The following COL26A1 variants were observed in gnomAD, a reference collection of about 807,000 sequenced individuals.
The protein encoded by COL26A1 is collagen alpha-1(XXVI) chain.
A neutral mutation model predicts 59.3 loss-of-function variants in COL26A1; 41 were observed. The observed-to-expected ratio is 0.69, with a 90% CI of 0.54 to 0.90. The LOEUF is 0.90. Among genes scored for constraint, COL26A1 ranks in the 40% least tolerant of loss-of-function variants. COL26A1 has a pLI of 0.00. For synonymous variants in COL26A1, 266 were observed against 256.0 expected, an observed-to-expected ratio of 1.04 and a Z score of -0.37; for missense variants, 612 against 602.3, an observed-to-expected ratio of 1.02 and a Z score of -0.17.
intron 3 of COL26A1, among the ~76,000 whole-genome samples, chr7:101,502,320 C>T (rs1794722621): frequency 6.6e-6 from 1 of 152,068 alleles, no homozygotes; most frequent in African/African-American, 2.4e-5. Flanking sequence ...CCAGCCTGGG[C>T]GACAGAGCAA....
chr7:101,524,045 G>A (rs781663508), intron 3 of COL26A1, among the ~76,000 whole-genome samples: 4 of 152,124 alleles, frequency 2.6e-5, no homozygotes, highest in East Asian at 1.9e-4. Flanking sequence ...TCAAGTGGGC[G>A]GATCACTTTA....
chr7:101,517,721 T>C (rs550303521), intron 3 of COL26A1, among the ~76,000 whole-genome samples: 1 of 151,032 alleles, frequency 6.6e-6, no homozygotes, highest in South Asian at 2.1e-4. Flanking sequence ...GGATAGAAGA[T>C]AGCTGGGCTG....
At chr7:101,489,784 T>TG (rs1563007893) in intron 3 of COL26A1, among the ~76,000 whole-genome samples, 77 of 2,558 alleles carry the variant, frequency 0.03, 13 homozygotes, top group Non-Finnish European at 0.046. Context: ...CTTTCTTTCT[T>TG]TCTTTCTTTC....
chr7:101,474,579 C>T (rs1483624664), intron 3 of COL26A1, among the ~76,000 whole-genome samples: 1 of 151,366 alleles, frequency 6.6e-6, no homozygotes, highest in Non-Finnish European at 1.5e-5. Flanking sequence ...GTGACAGAGC[C>T]AGACCCTGTC....
At chr7:101,508,885 C>T (rs1794865204) in intron 3 of COL26A1, among the ~76,000 whole-genome samples, 1 of 151,796 alleles carries the variant, frequency 6.6e-6, no homozygotes, top group Non-Finnish European at 1.5e-5. Context: ...AGGTTTGTTC[C>T]AGCTACTCAG....
intron 1 of COL26A1, among the ~76,000 whole-genome samples, chr7:101,415,147 A>C (rs1792341327): frequency 1.4e-5 from 2 of 142,330 alleles, no homozygotes; most frequent in African/African-American, 5.0e-5. Context: ...TCCTGATCAT[A>C]ACCCCCCCCC....
chr7:101,476,085 G>A (rs1794039126), intron 3 of COL26A1, among the ~76,000 whole-genome samples: 1 of 150,586 alleles, frequency 6.6e-6, no homozygotes, highest in Non-Finnish European at 1.5e-5. Context: ...AGTGATTCTT[G>A]TGCCTCAGCC....
chr7:101,452,711 A>T (rs1793372752), intron 3 of COL26A1, among the ~76,000 whole-genome samples: 1 of 151,966 alleles, frequency 6.6e-6, no homozygotes, highest in South Asian at 2.1e-4. Flanking sequence ...GTATTTGTGT[A>T]TATCAACATA....
chr7:101,454,717 ATG>A (rs1209296493), intron 3 of COL26A1, among the ~76,000 whole-genome samples: 2 of 152,152 alleles, frequency 1.3e-5, no homozygotes, highest in Non-Finnish European at 2.9e-5. Flanking sequence ...CGGAGAAAAT[ATG>A]TGTGTTAGAT....
At chr7:101,398,871 T>C (rs1183848447) in intron 1 of COL26A1, among the ~76,000 whole-genome samples, 1 of 151,914 alleles carries the variant, frequency 6.6e-6, no homozygotes, top group East Asian at 1.9e-4. Flanking sequence ...AGGGTAGATA[T>C]GGGAGGAGGG....
At chr7:101,509,098 G>C (rs539255631) in intron 3 of COL26A1, among the ~76,000 whole-genome samples, 1 of 152,194 alleles carries the variant, frequency 6.6e-6, no homozygotes, top group East Asian at 1.9e-4. Context: ...CTGATGCGTC[G>C]CATAGCAAAA....
At position 101,473,608 on chromosome 7, in the gene COL26A1, CCACACACACA is replaced by C. The variant is rs150820078; in HGVS notation, c.385+25858_385+25867del. 7.8e-3 allele frequency among the ~76,000 whole-genome samples: 1,121 copies of C among 143,458 alleles called. 15 individuals are homozygous for C. Among genetic ancestry groups the C allele is most frequent in the African/African-American group, 0.025 (982 of 38,554 alleles). 94.1% of individuals were successfully genotyped at this position (143,458 alleles called of 152,430 possible). ...CAGGCAACAGAGCAACACCTTGTCT[CCACACACACA>C]CACACACACACACACACACACACAC... On this transcript the variant is annotated intron_variant, in intron 3 of 12. Transcript: ENST00000313669.
intron 1 of COL26A1, among the ~76,000 whole-genome samples, chr7:101,380,471 T>C (rs1270818993): frequency 6.6e-6 from 1 of 152,112 alleles, no homozygotes; most frequent in Non-Finnish European, 1.5e-5. Flanking sequence ...ATTTTTTATA[T>C]TTTAATAGAG....
intron 3 of COL26A1, among the ~76,000 whole-genome samples, chr7:101,528,996 T>C (rs995605841): frequency 1.3e-5 from 2 of 152,016 alleles, no homozygotes; most frequent in Non-Finnish European, 2.9e-5. Context: ...CGAAACCCTA[T>C]CTCTACTAAA....
chr7:101,373,577 A>G (rs953711422), intron 1 of COL26A1, among the ~76,000 whole-genome samples: 3 of 152,160 alleles, frequency 2.0e-5, no homozygotes, highest in Non-Finnish European at 4.4e-5. Context: ...ACACCGAGGC[A>G]GTGCCTCTGC....
chr7:101,362,990 C>T lies in COL26A1; in HGVS notation c.-43C>T. 1 of 1,539,878 alleles carries T rather than the reference C, an allele frequency of 6.5e-7. No homozygotes were observed. The highest frequency in any genetic ancestry group is 1.2e-5 in the South Asian group (1 of 84,150). On this transcript the variant is annotated 5_prime_UTR_variant, in exon 1 of 13. Transcript: ENST00000313669. ...CGGGCGCCGGTGCGCTCCTGCCGGTCCTCGTGCCCGGGACTCCGGGTCCCC... is the reference window on the plus strand; with the variant it reads ...CGGGCGCCGGTGCGCTCCTGCCGGTTCTCGTGCCCGGGACTCCGGGTCCCC...
At chr7:101,551,237 G>GGGCT in intron 10 of COL26A1, 94 bp downstream of exon 10, 1 of 386,366 alleles carries the variant, frequency 2.6e-6, no homozygotes, top group Non-Finnish European at 5.0e-6. Flanking sequence ...TGGTGGGGGG[G>GGGCT]TTCAGCCCTG....
intron 1 of COL26A1, among the ~76,000 whole-genome samples, chr7:101,397,420 CTTTT>C (rs1165351239): frequency 6.7e-6 from 1 of 148,358 alleles, no homozygotes; most frequent in Non-Finnish European, 1.5e-5. Context: ...TCTCTTCTTT[CTTTT>C]CTCTTTCTTT....
chr7:101,397,307 T>C (rs990523373), intron 1 of COL26A1, among the ~76,000 whole-genome samples: 1 of 152,190 alleles, frequency 6.6e-6, no homozygotes, highest in Non-Finnish European at 1.5e-5. Flanking sequence ...TAGAAAGGGC[T>C]TCACAAATGT....
Sources: allele counts gnomAD v4.1 joint callset (sites outside exome capture counted in the v4.1 genomes callset), GRCh38; gene constraint gnomAD v4.1.1; transcripts MANE v1.5; gene names NCBI Gene and HGNC (gene_info 2026-07-23, HGNC 2026-07-21).